Variants in WDR75 observed in about 807,000 individuals in gnomAD.
WDR75 encodes WD repeat domain 75, also known as WD repeat-containing protein 75.
A neutral mutation model predicts 106.1 loss-of-function variants in WDR75; 52 were observed. That is an observed-to-expected ratio of 0.49 (90% CI 0.39 to 0.62). The LOEUF (loss-of-function observed/expected upper bound fraction) is 0.62, where lower values mean the gene tolerates loss of function less well. WDR75 is among the 20% of genes least tolerant of loss of function. The pLI is 0.00. For synonymous variants in WDR75, 333 were observed against 335.5 expected (o/e 0.99, Z 0.08); for missense variants, 905 against 970.3 (o/e 0.93, Z 0.89).
At chr2:189,450,796 G>A in intron 2 of WDR75, 107 bp from the exon 3 acceptor site, 1 of 1,530,142 alleles carries the variant, frequency 6.5e-7, no homozygotes, top group South Asian at 1.3e-5. Context: ...AAGGTTAACA[G>A]TGAATTAATG....
rs745553876 is a variant in WDR75 at position 189,465,115 on chromosome 2, G to A, written c.1150G>A (p.Gly384Ser). 1.4e-5 allele frequency: 23 copies of A among 1,610,888 alleles called. No individual in the cohort carries two copies. In the East Asian group the frequency reaches 4.2e-4, roughly 30 times the overall value. The change falls in exon 12 of 21, where the codon GGT (glycine) becomes AGT (serine). Residue 384 changes from glycine (G) to serine (S), a missense_variant. By Grantham distance (56) the Gly-to-Ser change is moderately conservative. Coordinates refer to ENST00000314761, the MANE Select transcript of WDR75 (RefSeq NM_032168.3). ...IIQQEYINDY[G>S]LIQIELTKAA... The stretch of plus-strand genomic sequence containing the variant: ...ACAGCAAGAATATATTAATGATTAT[G>A]GTCTGATCCAAATTGAACTAACAAA...
chr2:189,455,357 C>T lies in WDR75; in HGVS notation c.411C>T (p.Ser137=). 2 of 1,613,938 alleles carry T rather than the reference C, an allele frequency of 1.2e-6. No individual in the cohort carries two copies. Among genetic ancestry groups the T allele is most frequent in the Non-Finnish European group, 1.7e-6 (2 of 1,179,952 alleles). The change falls in exon 5 of 21, where the codon TCC becomes TCT. Residue 137 remains serine (S), a synonymous_variant. Transcript: ENST00000314761. ...TGGTTTCAGTGAAACTGCCAAAATC[C>T]TCAAGCCAGGAAGTAGAAGCCAAGG... The part of the protein sequence containing the change: ...FQLVSVKLPK[S]SSQEVEAKEL...
Position 189,455,371 on chromosome 2 carries a change from T to C in WDR75, c.425T>C (p.Val142Ala). 1 of 1,614,182 alleles carries C rather than the reference T, an allele frequency of 6.2e-7. No individual in the cohort carries two copies. The highest frequency in any genetic ancestry group is 8.5e-7 in the Non-Finnish European group (1 of 1,180,008). ...CTGCCAAAATCCTCAAGCCAGGAAG[T>C]AGAAGCCAAGGAGCTGTCCTTTGTT... Reference protein sequence around the residue: ...VKLPKSSSQEVEAKELSFVLD... With the variant: ...VKLPKSSSQEAEAKELSFVLD... Residue 142 changes from valine to alanine, a missense_variant, in exon 5 of 21, where the codon GTA (valine) becomes GCA (alanine). Transcript: ENST00000314761.
At position 189,469,110 on chromosome 2, in the gene WDR75, A is replaced by G. The variant is rs13424504; in HGVS notation, c.1724-234A>G. Among the ~76,000 whole-genome samples the G allele has an allele frequency of 2.1e-3, 317 of 152,314 alleles. 1 individual carries two copies. Among genetic ancestry groups the G allele is most frequent in the African/African-American group, 6.7e-3 (277 of 41,580 alleles). ...TAGCAGCATCAGAAAAGCACTAGAC[A>G]TAAATTTCAATGAAATAATAATCTT... On this transcript the variant is annotated intron_variant, in intron 15 of 20. Coordinates refer to ENST00000314761, the MANE Select transcript of WDR75 (RefSeq NM_032168.3).
intron 18 of WDR75, among the ~76,000 whole-genome samples, chr2:189,473,715 A>C (rs1485289653): frequency 2.0e-5 from 3 of 152,068 alleles, no homozygotes; most frequent in Admixed American, 1.3e-4. Context: ...TATTATTACC[A>C]ACTCCTGAGC....
At chr2:189,443,366 C>A (rs1489252177) in intron 1 of WDR75, among the ~76,000 whole-genome samples, 1 of 152,116 alleles carries the variant, frequency 6.6e-6, no homozygotes, top group South Asian at 2.1e-4. Flanking sequence ...CAGGCTGGTA[C>A]AGTTAGCTAG....
intron 8 of WDR75, among the ~76,000 whole-genome samples, chr2:189,460,246 C>T (rs940807202): frequency 6.6e-6 from 1 of 152,282 alleles, no homozygotes; most frequent in East Asian, 1.9e-4. Context: ...TTCTGCAGGT[C>T]TTCCTGGAGA....
At chr2:189,450,808 A>G (rs1686602035) in intron 2 of WDR75, 95 bp from the exon 3 acceptor site, 4 of 1,553,896 alleles carry the variant, frequency 2.6e-6, no homozygotes, top group Non-Finnish European at 3.4e-6. Flanking sequence ...GAATTAATGA[A>G]TAGAAAATGC....
At chr2:189,474,387 A>T in intron 19 of WDR75, 55 bp downstream of exon 19, 1 of 1,554,834 alleles carries the variant, frequency 6.4e-7, no homozygotes, top group Non-Finnish European at 8.7e-7. Context: ...AAGCACCTGA[A>T]GTTGGAGTTT....
At chr2:189,442,924 C>G (rs1017499400) in intron 1 of WDR75, among the ~76,000 whole-genome samples, 1 of 152,192 alleles carries the variant, frequency 6.6e-6, no homozygotes, top group Non-Finnish European at 1.5e-5. Flanking sequence ...GGCTGTCACA[C>G]TGTGACGCTT....
At chr2:189,470,923 G>A in intron 18 of WDR75, 45 bp downstream of exon 18, 2 of 1,432,222 alleles carry the variant, frequency 1.4e-6, no homozygotes, top group Non-Finnish European at 1.9e-6. Flanking sequence ...CTCCCTAAAA[G>A]GATACAATTA....
chr2:189,465,342 A>G (rs958908414), intron 12 of WDR75, 88 bp downstream of exon 12: 10 of 1,364,528 alleles, frequency 7.3e-6, no homozygotes, highest in Non-Finnish European at 9.8e-6. Flanking sequence ...AAGATGTTTC[A>G]TCTTGACAAG....
chr2:189,466,377 T>G, intron 12 of WDR75, 48 bp from the exon 13 acceptor site: 2 of 1,592,684 alleles, frequency 1.3e-6, no homozygotes, highest in Middle Eastern at 3.3e-4. Context: ...CTTATATACA[T>G]CACTTTGTCC....
At chr2:189,470,735 T>C (rs1687100208) in intron 17 of WDR75, 84 bp from the exon 18 acceptor site, 2 of 994,120 alleles carry the variant, frequency 2.0e-6, no homozygotes, top group Admixed American at 7.0e-5. Flanking sequence ...AATTTGACCT[T>C]CTCATTTTTT....
At chr2:189,468,407 C>G (rs1687049035) in intron 14 of WDR75, 68 bp from the exon 15 acceptor site, 2 of 1,395,134 alleles carry the variant, frequency 1.4e-6, no homozygotes, top group Non-Finnish European at 1.0e-6. Context: ...CCGCTGGAAG[C>G]CTGCAGTTCT....
At chr2:189,445,044 A>G (rs1558979924) in intron 1 of WDR75, among the ~76,000 whole-genome samples, 1 of 152,080 alleles carries the variant, frequency 6.6e-6, no homozygotes, top group South Asian at 2.1e-4. Flanking sequence ...TGCATTACAC[A>G]CCTTCCAGTC....
chr2:189,456,435 A>G (rs908681852), intron 5 of WDR75, among the ~76,000 whole-genome samples: 2 of 152,178 alleles, frequency 1.3e-5, no homozygotes, highest in Non-Finnish European at 2.9e-5. Context: ...AGTGCCGCTC[A>G]GCAATAAAAA....
In WDR75 at chr2:189,465,288, G is replaced by C. The variant is rs369051179; in HGVS notation, c.1289+34G>C. 14 of 1,532,402 alleles carry C rather than the reference G, an allele frequency of 9.1e-6. No homozygotes were observed. The East Asian group carries it at 1.8e-4, about 20-fold the overall frequency. The allele number at this position is 1,532,402 out of a possible 1,614,324, so 94.9% of individuals were successfully genotyped here. On this transcript the variant is annotated intron_variant, in intron 12 of 20. Transcript: ENST00000314761. ...ATCTGTGTAGCCACTTAATTTCAAA[G>C]TATAAAATATTTCACTTCCCATTTT...
chr2:189,465,223 A>C lies in WDR75; in HGVS notation c.1258A>C (p.Lys420Gln). 6.2e-7 allele frequency: 1 copy of C among 1,613,004 alleles called. No homozygotes were observed. Among genetic ancestry groups the C allele is most frequent in the Non-Finnish European group, 8.5e-7 (1 of 1,179,268 alleles). The stretch of plus-strand genomic sequence containing the variant: ...GGAAACTGAGCTTGAATTGCAAATG[A>C]AACTGTGGATGTATAATAAGAAAAC... The part of the protein sequence containing the change: ...EKETELELQM[K>Q]LWMYNKKTQG... The change falls in exon 12 of 21, where the codon AAA becomes CAA. Residue 420 changes from lysine to glutamine, a missense_variant. By Grantham distance (53) the Lys-to-Gln change is moderately conservative (BLOSUM62 1). Coordinates refer to ENST00000314761, the MANE Select transcript of WDR75 (RefSeq NM_032168.3).
Sources: allele counts gnomAD v4.1 joint callset (sites outside exome capture counted in the v4.1 genomes callset), GRCh38; gene constraint gnomAD v4.1.1; transcripts MANE v1.5; gene names NCBI Gene and HGNC (gene_info 2026-07-23, HGNC 2026-07-21).